GLP1R: variants seen among roughly 807,000 people sequenced by gnomAD.
GLP1R encodes glucagon-like peptide 1 receptor.
In GLP1R, 32 loss-of-function variants were observed where a neutral mutation model predicts 68.4. The ratio of observed to expected loss-of-function variants is 0.47; its 90% CI spans 0.35 to 0.63. GLP1R has a LOEUF of 0.63. Ranked by LOEUF, GLP1R falls within the 20% of genes least tolerant of loss-of-function variation. GLP1R has a pLI of 0.00. For synonymous variants in GLP1R, 263 were observed against 244.4 expected (o/e 1.08, Z -0.71); for missense variants, 502 against 594.9 (o/e 0.84, Z 1.62).
At chr6:39,066,057 GT>G in intron 4 of GLP1R, 139 bp from the exon 5 acceptor site, 1 of 625,758 alleles carries the variant, frequency 1.6e-6, no homozygotes, top group East Asian at 2.7e-5. Flanking sequence ...GTAGGTTACG[GT>G]TATTCTCTTT....
chr6:39,078,361 A>T lies in GLP1R; in HGVS notation c.863A>T (p.Lys288Met). 6.2e-7 allele frequency: 1 copy of T among 1,612,736 alleles called. No individual in the cohort carries two copies. The highest frequency in any genetic ancestry group is 1.1e-5 in the South Asian group (1 of 91,040). The change falls in exon 8 of 13, where the codon AAG (lysine) becomes ATG (methionine). Residue 288 changes from lysine to methionine, a missense_variant. By Grantham distance (95) the Lys-to-Met change is moderately conservative. Transcript: ENST00000373256. ...TTTGTTGTCCCCTGGGGCATTGTCA[A>T]GTACCTCTATGAGGACGAGGGGTGA... ...LLFVVPWGIVKYLYEDEGCWT... is the reference protein window; with the variant it reads ...LLFVVPWGIVMYLYEDEGCWT...
chr6:39,067,445 A>T (rs1385740956), intron 5 of GLP1R, among the ~76,000 whole-genome samples: 1 of 152,206 alleles, frequency 6.6e-6, no homozygotes, highest in Non-Finnish European at 1.5e-5. Context: ...CCAAGATGGC[A>T]CCTTCTCACT....
At chr6:39,054,211 G>A (rs929822742) in intron 1 of GLP1R, among the ~76,000 whole-genome samples, 1 of 152,084 alleles carries the variant, frequency 6.6e-6, no homozygotes, top group African/African-American at 2.4e-5. Context: ...CTCTCAGGCA[G>A]GGCTCCTGCA....
At chr6:39,066,105 GC>G in intron 4 of GLP1R, 91 bp from the exon 5 acceptor site, 1 of 742,798 alleles carries the variant, frequency 1.3e-6, no homozygotes. Context: ...CTGACTTGGG[GC>G]CCCAGCTCTG....
chr6:39,058,941 G>C (rs568798800), intron 3 of GLP1R, among the ~76,000 whole-genome samples: 21 of 152,274 alleles, frequency 1.4e-4, no homozygotes, highest in Non-Finnish European at 2.8e-4. Flanking sequence ...GTGCGGGCAT[G>C]AGGTTATGCT....
chr6:39,077,260 T>C (rs1197728813), intron 7 of GLP1R, among the ~76,000 whole-genome samples: 1 of 152,210 alleles, frequency 6.6e-6, no homozygotes, highest in Non-Finnish European at 1.5e-5. Flanking sequence ...TGCTGTCCCT[T>C]CTCTCTGAGA....
At chr6:39,066,157 T>C (rs752151791) in intron 4 of GLP1R, 40 bp from the exon 5 acceptor site, 1 of 1,170,494 alleles carries the variant, frequency 8.5e-7, no homozygotes, top group South Asian at 1.3e-5. Flanking sequence ...AAGAGGGCCA[T>C]GGGCTGCCCA....
At chr6:39,069,811 C>T (rs1268786291) in intron 5 of GLP1R, among the ~76,000 whole-genome samples, 3 of 152,152 alleles carry the variant, frequency 2.0e-5, no homozygotes, top group East Asian at 1.9e-4. Context: ...TCCCCACTCT[C>T]GGTACCAATT....
intron 3 of GLP1R, among the ~76,000 whole-genome samples, chr6:39,060,274 C>T (rs1562006174): frequency 6.6e-6 from 1 of 152,162 alleles, no homozygotes; most frequent in Admixed American, 6.5e-5. Context: ...TGTGGAGAAA[C>T]GTCACAGTGT....
At position 39,086,256 on chromosome 6, in the gene GLP1R, C is replaced by A. The variant is rs1769145751; in HGVS notation, c.*183C>A. 1 of 543,326 alleles carries A rather than the reference C, an allele frequency of 1.8e-6. No homozygotes were observed. Among genetic ancestry groups the A allele is most frequent in the East Asian group, 2.9e-5 (1 of 34,018 alleles). 33.7% of individuals were successfully genotyped at this position (543,326 alleles called of 1,614,324 possible). On this transcript the variant is annotated 3_prime_UTR_variant, in exon 13 of 13. Transcript: ENST00000373256. This position sits in a 1 kb window ranked among gnomAD's most constrained non-coding sequence, Gnocchi z 4.5. ...CCATCAGACAGGTAAATGGGCAGTGCCTCCTGGGACCATGGACACATTTTC... is the reference window on the plus strand; with the variant it reads ...CCATCAGACAGGTAAATGGGCAGTGACTCCTGGGACCATGGACACATTTTC...
intron 1 of GLP1R, among the ~76,000 whole-genome samples, chr6:39,055,864 T>C (rs555218727): frequency 1.3e-5 from 2 of 152,266 alleles, no homozygotes; most frequent in South Asian, 4.1e-4. Flanking sequence ...TATTCTACCA[T>C]GGTCACTGAT....
At chr6:39,058,568 G>A (rs1285699470) in intron 3 of GLP1R, among the ~76,000 whole-genome samples, 1 of 152,134 alleles carries the variant, frequency 6.6e-6, no homozygotes, top group Non-Finnish European at 1.5e-5. Flanking sequence ...CAGGCACCGT[G>A]GAGGATAACA....
intron 3 of GLP1R, 72 bp from the exon 4 acceptor site, chr6:39,065,639 A>C: frequency 1.2e-6 from 1 of 864,122 alleles, no homozygotes; most frequent in Admixed American, 2.2e-5. Context: ...ATGGGGAGGA[A>C]GGGGAGCATC....
At chr6:39,078,416 C>T (rs1470352818) in intron 8 of GLP1R, 34 bp downstream of exon 8, 17 of 1,467,924 alleles carry the variant, frequency 1.2e-5, no homozygotes, top group East Asian at 4.5e-5. Flanking sequence ...CGGGTGTGCC[C>T]AGGTCCCCAT....
intron 5 of GLP1R, among the ~76,000 whole-genome samples, chr6:39,066,606 A>G (rs752121497): frequency 2.0e-5 from 3 of 152,246 alleles, no homozygotes; most frequent in Non-Finnish European, 2.9e-5. Context: ...GGAAAATCCC[A>G]GGAGATCTTC....
rs960130066 is a variant in GLP1R, at chr6:39,049,962, T to C, written c.78+1044T>C. The stretch of plus-strand genomic sequence containing the variant: ...CTAAAGAACTGAGATCTGTGGGGAG[T>C]GGACCTGAACGAACCTTGAAGTTTG... On this transcript the variant is annotated intron_variant, in intron 1 of 12. Coordinates refer to ENST00000373256, the MANE Select transcript of GLP1R (RefSeq NM_002062.5). This position sits in a 1 kb window ranked among gnomAD's most constrained non-coding sequence, Gnocchi z 4.5. Among the ~76,000 whole-genome samples the C allele has an allele frequency of 3.9e-5, 6 of 151,936 alleles. No homozygotes were observed. The highest frequency in any genetic ancestry group is 9.7e-5 in the African/African-American group (4 of 41,340).
At position 39,086,204 on chromosome 6, in the gene GLP1R, CAT is replaced by C. The variant is rs1554173039; in HGVS notation, c.*133_*134del. 3.5e-4 allele frequency: 172 copies of C among 489,734 alleles called. No individual in the cohort carries two copies. Among genetic ancestry groups the C allele is most frequent in the Middle Eastern group, 2.2e-3 (4 of 1,828 alleles). The allele number at this position is 489,734 out of a possible 1,614,324, so 30.3% of individuals were successfully genotyped here. A position where few individuals can be genotyped will look rare whatever the true frequency, so the allele number is the denominator to read the frequency against. ...ACACACACACACACACACACACACACATACATCCTGCTTTCCCTCCCCAAACC... is the reference window on the plus strand; with the variant it reads ...ACACACACACACACACACACACACACACATCCTGCTTTCCCTCCCCAAACC... On this transcript the variant is annotated 3_prime_UTR_variant, in exon 13 of 13. Coordinates refer to ENST00000373256, the MANE Select transcript of GLP1R (RefSeq NM_002062.5). This position sits in a 1 kb window ranked among gnomAD's most constrained non-coding sequence, Gnocchi z 4.5.
In GLP1R at chr6:39,078,876, T is replaced by C. The variant is rs1298495060; in HGVS notation, c.885-81T>C. The C allele has an allele frequency of 7.6e-6, 9 of 1,178,530 alleles. No individual in the cohort carries two copies. The South Asian group carries it at 1.0e-4, about 13-fold the overall frequency. The allele number at this position is 1,178,530 out of a possible 1,614,324, so 73.0% of individuals were successfully genotyped here. A position where few individuals can be genotyped will look rare whatever the true frequency, so the allele number is the denominator to read the frequency against. ...TGGCACTCAACATGGCCATGTGCAT[T>C]GGCGGCCTCTGTGCCTGCACCTGAG... On this transcript the variant is annotated intron_variant, in intron 8 of 12. Coordinates refer to ENST00000373256, the MANE Select transcript of GLP1R (RefSeq NM_002062.5).
chr6:39,066,319 C>T lies in GLP1R; in HGVS notation c.509+16C>T, dbSNP rs10305457. ...TCGGCTTCAGGTAAGGTGGCCCGGA[C>T]CCTGGGAGGGGGCTGCTTCATCCTA... On this transcript the variant is annotated intron_variant, in intron 5 of 12. Transcript: ENST00000373256. The T allele has an allele frequency of 0.098, 142,158 of 1,451,712 alleles. 7,853 individuals carry two copies. Among genetic ancestry groups the T allele is most frequent in the Admixed American group, 0.23 (13,416 of 59,398 alleles). The allele number at this position is 1,451,712 out of a possible 1,614,324, so 89.9% of individuals were successfully genotyped here.
Sources: gnomAD v4.1 joint callset for allele counts (sites outside exome capture counted in the v4.1 genomes callset) on GRCh38, gnomAD v4.1.1 for gene constraint, Gnocchi (gnomAD v3.1) non-coding constraint, MANE v1.5 for transcripts, NCBI Gene and HGNC (gene_info 2026-07-23, HGNC 2026-07-21) for gene names.